The following CAMKMT variants were observed in gnomAD, a reference collection of about 807,000 sequenced individuals.
CAMKMT encodes CaM KMT.
CAMKMT carries 53 observed loss-of-function variants against 48.0 expected under a neutral mutation model. That is an observed-to-expected ratio of 1.10 (90% CI 0.89 to 1.39). The LOEUF is 1.39. Among genes scored for constraint, CAMKMT ranks in the 40% most tolerant of loss-of-function variants. The pLI, the probability that CAMKMT is intolerant of heterozygous loss-of-function variation, is 0.00. For missense variants in CAMKMT, 428 were observed against 402.7 expected (o/e 1.06, Z -0.54); for synonymous variants, 165 against 152.3 (o/e 1.08, Z -0.61).
intron 10 of CAMKMT, among the ~76,000 whole-genome samples, chr2:44,769,952 G>A (rs889357380): frequency 3.3e-5 from 5 of 152,190 alleles, no homozygotes; most frequent in Admixed American, 1.3e-4. Context: ...CAATTATGAA[G>A]TAAAGCATAA....
chr2:44,516,500 C>T (rs1670839650), intron 3 of CAMKMT, among the ~76,000 whole-genome samples: 1 of 151,894 alleles, frequency 6.6e-6, no homozygotes, highest in African/African-American at 2.4e-5. Context: ...AAAATTTTGT[C>T]CCTCTCTAAA....
At chr2:44,392,262 C>G (rs1681416443) in intron 3 of CAMKMT, among the ~76,000 whole-genome samples, 1 of 151,980 alleles carries the variant, frequency 6.6e-6, no homozygotes, top group Non-Finnish European at 1.5e-5. Context: ...GGATATATTG[C>G]TGAGTGATAG....
chr2:44,660,085 C>A (rs981839967), intron 3 of CAMKMT, among the ~76,000 whole-genome samples: 2 of 152,114 alleles, frequency 1.3e-5, no homozygotes, highest in Non-Finnish European at 2.9e-5. Context: ...TATGTCTTAA[C>A]ATAAATAACA....
At chr2:44,456,939 G>GT (rs1305259607) in intron 3 of CAMKMT, 2 of 210,206 alleles carry the variant, frequency 9.5e-6, no homozygotes, top group African/African-American at 4.6e-5. Flanking sequence ...ACTTAGTGAA[G>GT]TACAGTATTC....
At chr2:44,422,254 C>A (rs1378417570) in intron 3 of CAMKMT, among the ~76,000 whole-genome samples, 2 of 152,216 alleles carry the variant, frequency 1.3e-5, no homozygotes, top group African/African-American at 4.8e-5. Context: ...TGAGCAGATG[C>A]TGGTGCAATA....
At chr2:44,494,459 C>T (rs1393420190) in intron 3 of CAMKMT, among the ~76,000 whole-genome samples, 1 of 152,134 alleles carries the variant, frequency 6.6e-6, no homozygotes, top group Non-Finnish European at 1.5e-5. Context: ...CTCTCATTCT[C>T]TAGAATTTGA....
At chr2:44,420,578 TA>T (rs1302750517) in intron 3 of CAMKMT, among the ~76,000 whole-genome samples, 12 of 151,364 alleles carry the variant, frequency 7.9e-5, no homozygotes, top group South Asian at 2.1e-4. Context: ...TATATATATA[TA>T]TTTTTTTCTC....
chr2:44,538,934 TTCTC>T (rs1010730233), intron 3 of CAMKMT, among the ~76,000 whole-genome samples: 8 of 146,972 alleles, frequency 5.4e-5, no homozygotes, highest in Admixed American at 1.4e-4. Context: ...ACACTTTTCT[TTCTC>T]TCTCTTTCTG....
chr2:44,618,924 C>G lies in CAMKMT; in HGVS notation c.377-85359C>G, dbSNP rs970520548. ...TTCATTTATGATAAACTTAAAAAGC[C>G]TTTCTGACATCATGCATTTCTCCCA... On this transcript the variant is annotated intron_variant, in intron 3 of 10. Transcript: ENST00000378494. The surrounding 1 kb of genome is among the most constrained non-coding windows in gnomAD (Gnocchi z 4.0). Among the ~76,000 whole-genome samples, 1 of 152,038 alleles carries G rather than the reference C, an allele frequency of 6.6e-6. No homozygotes were observed. The highest frequency in any genetic ancestry group is 2.4e-5 in the African/African-American group (1 of 41,402).
intron 3 of CAMKMT, among the ~76,000 whole-genome samples, chr2:44,561,325 T>C (rs1348119061): frequency 6.6e-6 from 1 of 152,250 alleles, no homozygotes; most frequent in Non-Finnish European, 1.5e-5. Flanking sequence ...TGGTGGTTTA[T>C]AGTATGTGTA....
chr2:44,525,669 T>C (rs112250276), intron 3 of CAMKMT, among the ~76,000 whole-genome samples: 97 of 152,314 alleles, frequency 6.4e-4, no homozygotes, highest in African/African-American at 2.0e-3. Context: ...GCAGTTCTTT[T>C]CATCATCTTA....
intron 10 of CAMKMT, among the ~76,000 whole-genome samples, chr2:44,768,086 G>T (rs970641737): frequency 1.3e-5 from 2 of 152,102 alleles, no homozygotes; most frequent in African/African-American, 4.8e-5. Context: ...GAGTGTTAGC[G>T]CCTGGTGGCC....
intron 3 of CAMKMT, among the ~76,000 whole-genome samples, chr2:44,574,998 C>T (rs143575996): frequency 1.1e-3 from 167 of 152,178 alleles, no homozygotes; most frequent in African/African-American, 3.5e-3. Context: ...TCAAATGATC[C>T]ACCCACCTTA....
intron 3 of CAMKMT, among the ~76,000 whole-genome samples, chr2:44,477,400 C>G (rs1163914300): frequency 2.0e-5 from 3 of 152,168 alleles, no homozygotes; most frequent in African/African-American, 7.2e-5. Context: ...AATAAGTTTG[C>G]TAAGCCCTAT....
chr2:44,444,621 G>T lies in CAMKMT; in HGVS notation c.376+54316G>T, dbSNP rs550895866. On this transcript the variant is annotated intron_variant, in intron 3 of 10. Transcript: ENST00000378494. ...ATTTTATCGTGGATGTTAAGCTACT[G>T]TTCAAGTTATACACACATACATGTG... is the stretch of plus-strand genomic sequence containing the variant. 2.0e-5 allele frequency among the ~76,000 whole-genome samples: 3 copies of T among 152,162 alleles called. No individual in the cohort carries two copies. In the South Asian group the frequency reaches 6.2e-4, roughly 31 times the overall value.
intron 7 of CAMKMT, among the ~76,000 whole-genome samples, chr2:44,729,085 G>C (rs1256144703): frequency 2.0e-5 from 3 of 151,788 alleles, no homozygotes; most frequent in Admixed American, 1.3e-4. Context: ...CAGCCTGAAT[G>C]AGAGTGGAAA....
At chr2:44,394,224 C>T (rs1189759224) in intron 3 of CAMKMT, among the ~76,000 whole-genome samples, 1 of 151,948 alleles carries the variant, frequency 6.6e-6, no homozygotes, top group Non-Finnish European at 1.5e-5. Context: ...GCAAATGTTG[C>T]AGCTTAAGTC....
intron 5 of CAMKMT, among the ~76,000 whole-genome samples, chr2:44,707,162 G>C (rs1293982552): frequency 6.6e-6 from 1 of 151,926 alleles, no homozygotes; most frequent in Non-Finnish European, 1.5e-5. Flanking sequence ...CTGTCACAAT[G>C]CAATTACCGA....
intron 3 of CAMKMT, among the ~76,000 whole-genome samples, chr2:44,484,707 A>C (rs1006850668): frequency 6.6e-6 from 1 of 150,636 alleles, no homozygotes; most frequent in Non-Finnish European, 1.5e-5. Flanking sequence ...AAAAAAAACC[A>C]TACAGAAAAG....
Sources: allele counts gnomAD v4.1 joint callset (sites outside exome capture counted in the v4.1 genomes callset), GRCh38; gene constraint gnomAD v4.1.1; non-coding constraint Gnocchi (gnomAD v3.1); transcripts MANE v1.5; gene names NCBI Gene and HGNC (gene_info 2026-07-23, HGNC 2026-07-21).